HSPH1: variants seen among roughly 807,000 people sequenced by gnomAD.
HSPH1 encodes heat shock protein family H (Hsp110) member 1.
In HSPH1, 40 loss-of-function variants were observed where a neutral mutation model predicts 100.0. The ratio of observed to expected loss-of-function variants is 0.40; its 90% CI spans 0.31 to 0.52. The LOEUF is 0.52. Ranked by LOEUF, HSPH1 falls within the 20% of genes least tolerant of loss-of-function variation. HSPH1 has a pLI of 0.54. For missense variants in HSPH1, 876 were observed against 1,015.1 expected (o/e 0.86, Z 1.86); for synonymous variants, 403 against 344.0 (o/e 1.17, Z -1.90).
intron 10 of HSPH1, among the ~76,000 whole-genome samples, chr13:31,147,456 T>A (rs1270419691): frequency 1.3e-5 from 2 of 151,928 alleles, no homozygotes; most frequent in Non-Finnish European, 2.9e-5. Flanking sequence ...TGGGTAAAAG[T>A]AGATGGATGG....
At chr13:31,161,455 C>T (rs752871800) in intron 1 of HSPH1, 21 bp downstream of exon 1, 166 of 1,613,542 alleles carry the variant, frequency 1.0e-4, no homozygotes, top group Middle Eastern at 1.6e-4. Flanking sequence ...CTCCCATCCA[C>T]CCTCGCAGAC....
At chr13:31,151,270 A>G in intron 6 of HSPH1, 79 bp from the exon 7 acceptor site, 1 of 1,126,562 alleles carries the variant, frequency 8.9e-7, no homozygotes, top group South Asian at 1.6e-5. Context: ...TACTACTCAA[A>G]CAATGAAAGA....
intron 8 of HSPH1, 58 bp downstream of exon 8, chr13:31,149,896 A>T: frequency 7.5e-7 from 1 of 1,333,224 alleles, no homozygotes; most frequent in Non-Finnish European, 1.1e-6. Flanking sequence ...CCATGACGAC[A>T]TCCAGTGGAA....
chr13:31,151,962 T>C (rs1427163269), intron 5 of HSPH1: 1 of 495,532 alleles, frequency 2.0e-6, no homozygotes, highest in African/African-American at 2.0e-5. Flanking sequence ...TTTCAATATA[T>C]GGAGATGTGC....
chr13:31,158,644 A>AGT, intron 2 of HSPH1, among the ~76,000 whole-genome samples, 162 bp downstream of exon 2: 1 of 151,764 alleles, frequency 6.6e-6, no homozygotes, highest in East Asian at 1.9e-4. Flanking sequence ...GAAAGGAAAG[A>AGT]GTGTCATCAT....
At chr13:31,161,933 T>C, upstream of HSPH1, 8 of 1,532,150 alleles carry the variant, frequency 5.2e-6, no homozygotes, top group Non-Finnish European at 7.0e-6. Flanking sequence ...TCCTCAGCCT[T>C]ATGTATCGCA....
chr13:31,161,377 C>A, intron 1 of HSPH1, 99 bp downstream of exon 1: 3 of 1,520,664 alleles, frequency 2.0e-6, no homozygotes, highest in Non-Finnish European at 2.7e-6. Context: ...CAAACGCCTC[C>A]GTTTGCCGCG....
intron 3 of HSPH1, among the ~76,000 whole-genome samples, chr13:31,155,243 C>T (rs1159003368): frequency 6.6e-6 from 1 of 152,142 alleles, no homozygotes; most frequent in East Asian, 1.9e-4. Context: ...AACACAATGT[C>T]GATTTTTTTT....
rs1403655592 is a variant in HSPH1 at position 31,161,746 on chromosome 13, G to C, written c.-164C>G. Reference sequence around the variant, plus strand: ...AAGGACACACAGACAGCCGCGGCCTGTCAGGAGCCTCCTACTCCCCCGGGG... The same window carrying C: ...AAGGACACACAGACAGCCGCGGCCTCTCAGGAGCCTCCTACTCCCCCGGGG... On this transcript the variant is annotated 5_prime_UTR_variant, in exon 1 of 18. Coordinates refer to ENST00000320027, the MANE Select transcript of HSPH1 (RefSeq NM_006644.4). 1 of 1,530,780 alleles carries C rather than the reference G, an allele frequency of 6.5e-7. No homozygotes were observed. The highest frequency in any genetic ancestry group is 8.7e-7 in the Non-Finnish European group (1 of 1,143,650). 94.8% of individuals were successfully genotyped at this position (1,530,780 alleles called of 1,614,324 possible).
intron 2 of HSPH1, among the ~76,000 whole-genome samples, chr13:31,158,535 C>T (rs572465781): frequency 5.4e-5 from 6 of 110,634 alleles, no homozygotes; most frequent in South Asian, 5.9e-4. Context: ...GGTAACAGAG[C>T]GAGACTCTAT....
intron 1 of HSPH1, among the ~76,000 whole-genome samples, chr13:31,159,875 G>C (rs9563938): frequency 0.19 from 28,833 of 151,950 alleles, 3,163 homozygotes; most frequent in East Asian, 0.37. Flanking sequence ...GCAGAAGCTA[G>C]ACAAGAAACC....
chr13:31,154,381 G>A (rs1317827910), intron 4 of HSPH1: 2 of 524,506 alleles, frequency 3.8e-6, no homozygotes, highest in Non-Finnish European at 6.9e-6. Flanking sequence ...ACTCACAAAT[G>A]GAACCAGTCA....
chr13:31,148,299 A>C (rs947048647), intron 9 of HSPH1, 75 bp downstream of exon 9: 1 of 1,048,564 alleles, frequency 9.5e-7, no homozygotes, highest in African/African-American at 1.6e-5. Context: ...TTTGTTAATG[A>C]CTCTACTAGA....
intron 2 of HSPH1, among the ~76,000 whole-genome samples, chr13:31,156,566 A>AG (rs1364028978): frequency 1.6e-3 from 236 of 150,900 alleles, no homozygotes; most frequent in Non-Finnish European, 3.0e-3. Flanking sequence ...CTCATTCTCA[A>AG]AAAAAAAAAA....
intron 1 of HSPH1, among the ~76,000 whole-genome samples, chr13:31,160,945 A>T (rs1381644134): frequency 6.6e-6 from 1 of 152,212 alleles, no homozygotes; most frequent in Admixed American, 6.5e-5. Flanking sequence ...AAGCAGCGAC[A>T]CAAGCTCTGG....
rs1955870259 is a variant in HSPH1, at chr13:31,135,854, G to A, written c.*1464C>T. 6.6e-6 allele frequency: 1 copy of A among 152,106 alleles called. No homozygotes were observed. The highest frequency in any genetic ancestry group is 6.6e-5 in the Admixed American group (1 of 15,264). The allele number at this position is 152,106 out of a possible 1,614,324, so 9.4% of individuals were successfully genotyped here. On this transcript the variant is annotated 3_prime_UTR_variant, in exon 18 of 18. Transcript: ENST00000320027. ...TATAGTTCTAAGATTAATCCCTTGT[G>A]GAAGAGGGAAAGTTGGCCCTCATCA...
At chr13:31,152,780 G>A in intron 5 of HSPH1, 72 bp downstream of exon 5, 1 of 1,048,392 alleles carries the variant, frequency 9.5e-7, no homozygotes, top group South Asian at 1.3e-5. Context: ...GTATCTATAA[G>A]AAAGTAATAG....
upstream of HSPH1, chr13:31,162,177 C>T (rs1409766655): frequency 8.1e-7 from 1 of 1,239,140 alleles, no homozygotes; most frequent in South Asian, 1.3e-5. Context: ...TTTTGCTGCC[C>T]TAATAAAACA....
In HSPH1 at chr13:31,155,607, A is replaced by G. The variant is rs1429288635; in HGVS notation, c.213T>C (p.His71=). Residue 71 remains histidine (H), a synonymous_variant, in exon 3 of 18, where the codon CAT becomes CAC. Coordinates refer to ENST00000320027, the MANE Select transcript of HSPH1 (RefSeq NM_006644.4). ...TGAAGGGGTCATTGAATGCTCGGCC[A>G]TGAAATCTTTTGAAGTTAGACACCG... ...NNTVSNFKRF[H]GRAFNDPFIQ... is the part of the protein sequence containing the mutation. The G allele has an allele frequency of 1.9e-6, 3 of 1,611,908 alleles. No homozygotes were observed. The highest frequency in any genetic ancestry group is 2.5e-6 in the Non-Finnish European group (3 of 1,178,642).
Sources: allele counts gnomAD v4.1 joint callset (sites outside exome capture counted in the v4.1 genomes callset), GRCh38; gene constraint gnomAD v4.1.1; transcripts MANE v1.5; gene names NCBI Gene and HGNC (gene_info 2026-07-23, HGNC 2026-07-21).